The following FGF13 variants were observed in gnomAD, a reference collection of about 807,000 sequenced individuals.
FGF13 encodes the protein fibroblast growth factor homologous factor 2.
FGF13 carries 2 observed loss-of-function variants against 19.5 expected under a neutral mutation model. The ratio of observed to expected loss-of-function variants is 0.10; its 90% confidence interval spans 0.04 to 0.32. The LOEUF is 0.32. Among genes scored for constraint, FGF13 ranks in the 10% least tolerant of loss-of-function variants. FGF13 has a pLI of 1.00. For synonymous variants in FGF13, 72 were observed against 76.9 expected, an observed-to-expected ratio of 0.94 and a Z score of 0.33; for missense variants, 113 against 192.7, an observed-to-expected ratio of 0.59 and a Z score of 2.45.
chrX:138,772,128 A>C (rs1377413997), intron 3 of FGF13, among the ~76,000 whole-genome samples: 1 of 103,090 alleles, frequency 9.7e-6, no homozygotes, highest in African/African-American at 3.5e-5. Flanking sequence ...AATATGCACA[A>C]AATTTATTTT....
At chrX:138,986,842 T>C (rs1042248501) in intron 1 of FGF13, among the ~76,000 whole-genome samples, 3 of 112,307 alleles carry the variant, frequency 2.7e-5, no homozygotes, top group African/African-American at 6.5e-5. Context: ...TTATAAAAAT[T>C]ATATCAAAAT....
At chrX:138,808,816 C>A (rs768455938) in intron 3 of FGF13, among the ~76,000 whole-genome samples, 1 of 112,031 alleles carries the variant, frequency 8.9e-6, no homozygotes, top group African/African-American at 3.2e-5. Flanking sequence ...GCTATAAACA[C>A]CTCTATGCAA....
chrX:138,830,199 C>T (rs1333058700), intron 3 of FGF13, among the ~76,000 whole-genome samples: 2 of 111,858 alleles, frequency 1.8e-5, no homozygotes, highest in Admixed American at 9.5e-5. Flanking sequence ...GAGGAACAGG[C>T]TAGAGAAAGC....
chrX:139,079,926 C>T (rs1482191947), intron 1 of FGF13, among the ~76,000 whole-genome samples: 1 of 109,985 alleles, frequency 9.1e-6, no homozygotes, highest in African/African-American at 3.3e-5. Flanking sequence ...TAGTGAAGTG[C>T]CTTCTTCATG....
chrX:138,692,386 TG>T (rs1379185832), intron 3 of FGF13, among the ~76,000 whole-genome samples: 3 of 107,815 alleles, frequency 2.8e-5, no homozygotes, highest in African/African-American at 6.7e-5. Context: ...TTTGTTGAGC[TG>T]TTTTTTTTTT....
chrX:138,886,587 T>G (rs2091452817), intron 1 of FGF13, among the ~76,000 whole-genome samples: 1 of 111,927 alleles, frequency 8.9e-6, no homozygotes, highest in South Asian at 3.7e-4. Context: ...GACCTTGGGC[T>G]TTCTCAGCTT....
chrX:138,927,007 G>A (rs766364576), intron 1 of FGF13, among the ~76,000 whole-genome samples: 1 of 111,405 alleles, frequency 9.0e-6, no homozygotes, highest in African/African-American at 3.3e-5. Flanking sequence ...TATGGCCAGA[G>A]CAGAGTAAGT....
chrX:138,911,772 C>T (rs878911984), intron 1 of FGF13, among the ~76,000 whole-genome samples: 1 of 111,873 alleles, frequency 8.9e-6, no homozygotes, highest in Non-Finnish European at 1.9e-5. Context: ...TTACCCAAAA[C>T]TTTGCAACCA....
chrX:138,621,540 CA>C lies in FGF13; in HGVS notation c.*11309del, dbSNP rs1358498224. The C allele has an allele frequency of 9.1e-6, 1 of 110,232 alleles. No homozygotes were observed. Among genetic ancestry groups the C allele is most frequent in the Non-Finnish European group, 1.9e-5 (1 of 52,712 alleles). 9.1% of individuals were successfully genotyped at this position (110,232 alleles called of 1,213,427 possible). On this transcript the variant is annotated 3_prime_UTR_variant, in exon 5 of 5. Coordinates refer to ENST00000315930, the MANE Select transcript of FGF13 (RefSeq NM_004114.5). ...AAATAAACGACCTAACTTTACACCTCAAGGAACTATAAAAGAACCATAAACT... is the reference window on the plus strand; with the variant it reads ...AAATAAACGACCTAACTTTACACCTCAGGAACTATAAAAGAACCATAAACT...
chrX:138,982,745 T>A (rs2091969097), intron 1 of FGF13, among the ~76,000 whole-genome samples: 2 of 112,023 alleles, frequency 1.8e-5, no homozygotes, highest in South Asian at 3.7e-4. Flanking sequence ...AAGGCCAAGG[T>A]TCTCATCCAG....
chrX:138,916,731 C>T (rs1375629716), intron 1 of FGF13, among the ~76,000 whole-genome samples: 1 of 112,006 alleles, frequency 8.9e-6, no homozygotes, highest in Non-Finnish European at 1.9e-5. Flanking sequence ...TTCAGTGAGA[C>T]CAATATGAGC....
intron 3 of FGF13, among the ~76,000 whole-genome samples, chrX:138,774,521 G>A (rs914591403): frequency 9.0e-6 from 1 of 111,646 alleles, no homozygotes; most frequent in East Asian, 2.8e-4. Context: ...CAAACTGAGA[G>A]AGTTTGGTGC....
chrX:138,966,939 C>G, intron 1 of FGF13, among the ~76,000 whole-genome samples: 1 of 111,441 alleles, frequency 9.0e-6, no homozygotes, highest in Middle Eastern at 4.2e-3. Flanking sequence ...GGGGCTTCCC[C>G]CTTTGCTCAG....
At chrX:138,963,977 G>C (rs763538053) in intron 1 of FGF13, among the ~76,000 whole-genome samples, 13 of 111,756 alleles carry the variant, frequency 1.2e-4, no homozygotes, top group Non-Finnish European at 1.9e-4. Context: ...CACTCAGCCA[G>C]GCAGTGGGCT....
chrX:138,728,842 A>G lies in FGF13; in HGVS notation c.28+10400T>C, dbSNP rs1051943716. On this transcript the variant is annotated intron_variant, in intron 1 of 4. Coordinates refer to the FGF13 transcript ENST00000305414. ...TGTTATGGAACACAGAGCTTGCAGA[A>G]GTATGGCGTTAAGAGAACAGAGACA... 3.0e-4 allele frequency among the ~76,000 whole-genome samples: 33 copies of G among 111,276 alleles called. No homozygotes were observed. In the Admixed American group the frequency reaches 3.1e-3, roughly 10 times the overall value.
At chrX:138,910,601 C>A (rs1186146347) in intron 1 of FGF13, among the ~76,000 whole-genome samples, 1 of 112,025 alleles carries the variant, frequency 8.9e-6, no homozygotes. Flanking sequence ...AAGCAAAAAG[C>A]TGAGATTTGA....
intron 1 of FGF13, among the ~76,000 whole-genome samples, chrX:139,164,670 T>C (rs761313221): frequency 1.2e-4 from 13 of 104,300 alleles, no homozygotes; most frequent in African/African-American, 4.2e-4. Context: ...ACCTGGGTGA[T>C]AGAGTGAGAC....
chrX:139,046,196 G>A (rs62602236), intron 1 of FGF13, among the ~76,000 whole-genome samples: 11,361 of 110,903 alleles, frequency 0.1, 483 homozygotes, highest in South Asian at 0.2. Flanking sequence ...GAACAGACAC[G>A]TCATGCGGCA....
At chrX:138,847,827 G>A (rs2091193882) in intron 3 of FGF13, among the ~76,000 whole-genome samples, 1 of 111,890 alleles carries the variant, frequency 8.9e-6, no homozygotes, top group Non-Finnish European at 1.9e-5. Flanking sequence ...ACATTTAGAT[G>A]ATAAGAGGGC....
Sources: allele counts gnomAD v4.1 joint callset (sites outside exome capture counted in the v4.1 genomes callset), GRCh38; gene constraint gnomAD v4.1.1; transcripts MANE v1.5; gene names NCBI Gene and HGNC (gene_info 2026-07-23, HGNC 2026-07-21).